Variants in SORCS2 observed in about 807,000 individuals in gnomAD.
SORCS2 encodes the protein VPS10 domain-containing receptor SorCS2.
Under a neutral mutation model 141.6 loss-of-function variants are expected in SORCS2, and 100 were observed. The ratio of observed to expected loss-of-function variants is 0.71; its 90% confidence interval spans 0.60 to 0.83. SORCS2 has a LOEUF of 0.83. Ranked by LOEUF, SORCS2 falls within the 40% of genes least tolerant of loss-of-function variation. SORCS2 has a pLI of 0.00. For synonymous variants in SORCS2, 789 were observed against 676.9 expected, an observed-to-expected ratio of 1.17 and a Z score of -2.57; for missense variants, 1,646 against 1,560.2, an observed-to-expected ratio of 1.05 and a Z score of -0.93.
intron 1 of SORCS2, among the ~76,000 whole-genome samples, chr4:7,354,802 C>A (rs1042371391): frequency 1.3e-5 from 2 of 152,202 alleles, no homozygotes; most frequent in Non-Finnish European, 2.9e-5. Context: ...CACTGAAAAT[C>A]CGAACCCCAG....
intron 1 of SORCS2, among the ~76,000 whole-genome samples, chr4:7,347,702 T>C (rs576178632): frequency 6.6e-6 from 1 of 152,340 alleles, no homozygotes; most frequent in Admixed American, 6.5e-5. Context: ...TTTCCTCTGA[T>C]ATTAAACCAC....
At chr4:7,375,497 C>T (rs750611122) in intron 1 of SORCS2, among the ~76,000 whole-genome samples, 1 of 152,102 alleles carries the variant, frequency 6.6e-6, no homozygotes, top group Non-Finnish European at 1.5e-5. Flanking sequence ...ATGGCTGGGC[C>T]CAGCCAGTGA....
intron 2 of SORCS2, among the ~76,000 whole-genome samples, chr4:7,527,531 TCTC>T (rs1490658360): frequency 5.9e-5 from 9 of 152,146 alleles, no homozygotes; most frequent in Admixed American, 5.9e-4. Context: ...GGGCATGGGT[TCTC>T]CTCTGGAGCT....
intron 2 of SORCS2, among the ~76,000 whole-genome samples, chr4:7,524,755 CT>C (rs1733560713): frequency 6.6e-6 from 1 of 152,102 alleles, no homozygotes; most frequent in Admixed American, 6.5e-5. Flanking sequence ...GCACCCTGAG[CT>C]GTCTGCTGGA....
chr4:7,202,068 G>A (rs1727510624), intron 1 of SORCS2, among the ~76,000 whole-genome samples: 1 of 150,826 alleles, frequency 6.6e-6, no homozygotes, highest in Non-Finnish European at 1.5e-5. Flanking sequence ...GTGGGTGGTG[G>A]GGGTGGGGAA....
chr4:7,583,579 A>G (rs1195712115), intron 3 of SORCS2, among the ~76,000 whole-genome samples: 1 of 152,204 alleles, frequency 6.6e-6, no homozygotes, highest in African/African-American at 2.4e-5. Flanking sequence ...AGTTTCCCCC[A>G]TACTGTTCTC....
intron 1 of SORCS2, among the ~76,000 whole-genome samples, chr4:7,380,578 G>A (rs140864744): frequency 9.8e-4 from 150 of 152,338 alleles, no homozygotes; most frequent in Middle Eastern, 6.8e-3. Context: ...GGGCAAGGAC[G>A]TCAATGTGGT....
intron 2 of SORCS2, among the ~76,000 whole-genome samples, chr4:7,411,177 G>A (rs948954841): frequency 2.6e-5 from 4 of 151,534 alleles, no homozygotes; most frequent in African/African-American, 4.9e-5. Context: ...GATGGTCTCC[G>A]TCTCTTGAAC....
At chr4:7,376,963 G>C (rs999372520) in intron 1 of SORCS2, among the ~76,000 whole-genome samples, 1 of 151,534 alleles carries the variant, frequency 6.6e-6, no homozygotes, top group Non-Finnish European at 1.5e-5. Flanking sequence ...GTCACGTGCA[G>C]CCTGAAGACC....
intron 2 of SORCS2, among the ~76,000 whole-genome samples, chr4:7,530,017 G>A (rs554958574): frequency 2.6e-5 from 4 of 152,194 alleles, no homozygotes; most frequent in Non-Finnish European, 5.9e-5. Context: ...CCTGAGGACT[G>A]TGAGGGACAC....
intron 3 of SORCS2, among the ~76,000 whole-genome samples, chr4:7,607,643 C>G (rs769388873): frequency 3.3e-5 from 5 of 152,212 alleles, no homozygotes; most frequent in Non-Finnish European, 7.3e-5. Flanking sequence ...GCAACTGCAT[C>G]CAGTCATGGG....
chr4:7,546,465 C>T (rs1448345295), intron 3 of SORCS2, among the ~76,000 whole-genome samples: 1 of 152,192 alleles, frequency 6.6e-6, no homozygotes, highest in East Asian at 1.9e-4. Flanking sequence ...ATGTCGGCTC[C>T]ATCGCAGTGA....
chr4:7,639,022 C>T (rs918116352), intron 4 of SORCS2, among the ~76,000 whole-genome samples: 9 of 152,052 alleles, frequency 5.9e-5, no homozygotes, highest in East Asian at 3.9e-4. Flanking sequence ...AGTGGGGGAG[C>T]GGGGGGCCAG....
At chr4:7,223,132 C>T (rs570542892) in intron 1 of SORCS2, among the ~76,000 whole-genome samples, 4 of 152,064 alleles carry the variant, frequency 2.6e-5, no homozygotes, top group African/African-American at 4.8e-5. Flanking sequence ...TGATGAAGGA[C>T]GGGACTCATA....
chr4:7,361,955 G>A (rs1721610775), intron 1 of SORCS2, among the ~76,000 whole-genome samples: 1 of 152,108 alleles, frequency 6.6e-6, no homozygotes, highest in African/African-American at 2.4e-5. Context: ...GAGGGGGCAT[G>A]CTCACTTCTC....
chr4:7,196,495 A>G (rs1449016662), intron 1 of SORCS2, among the ~76,000 whole-genome samples: 1 of 152,054 alleles, frequency 6.6e-6, no homozygotes, highest in Non-Finnish European at 1.5e-5. Context: ...AAGGCACTTG[A>G]TCCTCAACTT....
intron 1 of SORCS2, among the ~76,000 whole-genome samples, chr4:7,329,266 C>T (rs572731552): frequency 3.3e-5 from 5 of 152,336 alleles, no homozygotes; most frequent in South Asian, 2.1e-4. Flanking sequence ...AGTCTGCCTA[C>T]GTGGACCCAG....
chr4:7,592,659 G>T (rs144304408), intron 3 of SORCS2, among the ~76,000 whole-genome samples: 2 of 152,222 alleles, frequency 1.3e-5, no homozygotes, highest in East Asian at 1.9e-4. Context: ...CCGAATGACT[G>T]TGTGGAGCAG....
intron 1 of SORCS2, among the ~76,000 whole-genome samples, chr4:7,388,407 A>G (rs937761222): frequency 2.0e-5 from 3 of 152,184 alleles, no homozygotes; most frequent in African/African-American, 4.8e-5. Context: ...GGGAGGGGAA[A>G]TGGAGGCTTT....
Sources: allele counts gnomAD v4.1 joint callset (sites outside exome capture counted in the v4.1 genomes callset), GRCh38; gene constraint gnomAD v4.1.1; transcripts MANE v1.5; gene names NCBI Gene and HGNC (gene_info 2026-07-23, HGNC 2026-07-21).